C13orf42: variants seen among roughly 807,000 people sequenced by gnomAD.
C13orf42 encodes chromosome 13 open reading frame 42.
upstream of C13orf42, among the ~76,000 whole-genome samples, chr13:51,113,781 T>A (rs9568519): frequency 1.3e-5 from 2 of 152,132 alleles, no homozygotes; most frequent in African/African-American, 4.8e-5. Context: ...CCCAAATCAG[T>A]CCCCCCAGGC....
chr13:51,163,180 C>T (rs996202823), intron 1 of C13orf42, among the ~76,000 whole-genome samples: 1 of 152,200 alleles, frequency 6.6e-6, no homozygotes, highest in Non-Finnish European at 1.5e-5. Context: ...AGGTAAGCAG[C>T]ATGCAGAACC....
chr13:51,123,171 G>C (rs1049918728), intron 1 of C13orf42, among the ~76,000 whole-genome samples: 4 of 152,182 alleles, frequency 2.6e-5, no homozygotes, highest in African/African-American at 9.6e-5. Context: ...ACTGCTCATG[G>C]TTCTCACTCT....
chr13:51,106,345 T>TCCCGCCTCCCTAATGACG (rs1953355944), intron 1 of C13orf42, among the ~76,000 whole-genome samples: 1 of 151,888 alleles, frequency 6.6e-6, no homozygotes, highest in Non-Finnish European at 1.5e-5. Context: ...CCCTAATGAC[T>TCCCGCCTCCCTAATGACG]CTCCCTGGCC....
Position 51,082,208 on chromosome 13 carries a change from A to T in C13orf42, c.*1943T>A, listed in dbSNP as rs933820898. 6.6e-6 allele frequency: 1 copy of T among 152,262 alleles called. No individual in the cohort carries two copies. The highest frequency in any genetic ancestry group is 2.4e-5 in the African/African-American group (1 of 41,470). The allele number at this position is 152,262 out of a possible 1,614,324, so 9.4% of individuals were successfully genotyped here. A position where few individuals can be genotyped will look rare whatever the true frequency, so the allele number is the denominator to read the frequency against. The stretch of plus-strand genomic sequence containing the variant: ...TCTCAAGATTCCCCAGGCAGAGCAC[A>T]GATCCTTGGGTTTATCACCAACTTC... On this transcript the variant is annotated 3_prime_UTR_variant, in exon 4 of 4. Transcript: ENST00000563710.
intron 1 of C13orf42, among the ~76,000 whole-genome samples, chr13:51,128,279 T>A (rs1037453893): frequency 5.9e-5 from 9 of 152,258 alleles, no homozygotes; most frequent in African/African-American, 1.9e-4. Flanking sequence ...ACTCTATGAC[T>A]TGCCCTGAAT....
chr13:51,096,847 C>T (rs1953239460), intron 1 of C13orf42, among the ~76,000 whole-genome samples: 1 of 152,190 alleles, frequency 6.6e-6, no homozygotes. Flanking sequence ...AAATAATATG[C>T]ATGGCTCCAA....
At chr13:51,124,175 TAA>T (rs946206719) in intron 1 of C13orf42, among the ~76,000 whole-genome samples, 1 of 152,160 alleles carries the variant, frequency 6.6e-6, no homozygotes, top group African/African-American at 2.4e-5. Flanking sequence ...TGACTCAGTA[TAA>T]GAGAACAGCT....
intron 1 of C13orf42, among the ~76,000 whole-genome samples, chr13:51,134,133 T>G (rs996215104): frequency 6.6e-6 from 1 of 152,202 alleles, no homozygotes. Flanking sequence ...TCCATTTACC[T>G]GCCTTCTCAG....
intron 1 of C13orf42, among the ~76,000 whole-genome samples, chr13:51,118,105 C>G (rs760743837): frequency 6.6e-6 from 1 of 152,154 alleles, no homozygotes; most frequent in Non-Finnish European, 1.5e-5. Context: ...ATCTTGTGTC[C>G]AGTTCCAACT....
At chr13:51,105,794 T>C (rs1010156843) in intron 1 of C13orf42, among the ~76,000 whole-genome samples, 2 of 152,318 alleles carry the variant, frequency 1.3e-5, no homozygotes, top group Non-Finnish European at 2.9e-5. Context: ...GAATCTTGTA[T>C]GTTATACAAG....
intron 1 of C13orf42, among the ~76,000 whole-genome samples, chr13:51,107,560 C>T (rs538600389): frequency 9.2e-5 from 14 of 152,136 alleles, no homozygotes; most frequent in African/African-American, 1.2e-4. Context: ...GGCTTGCATC[C>T]GGATGGAGGG....
intron 1 of C13orf42, among the ~76,000 whole-genome samples, chr13:51,096,687 A>G (rs908194541): frequency 3.9e-5 from 6 of 152,206 alleles, no homozygotes; most frequent in African/African-American, 1.4e-4. Context: ...GACTGTATAA[A>G]CCAAAATTCT....
chr13:51,105,004 G>A (rs1057362011), intron 1 of C13orf42, among the ~76,000 whole-genome samples: 1 of 152,218 alleles, frequency 6.6e-6, no homozygotes, highest in Admixed American at 6.5e-5. Flanking sequence ...AACATGCTAG[G>A]ATGCAGGGTG....
At chr13:51,137,550 G>A (rs542885465) in intron 1 of C13orf42, among the ~76,000 whole-genome samples, 42 of 152,232 alleles carry the variant, frequency 2.8e-4, no homozygotes, top group Non-Finnish European at 5.3e-4. Context: ...CTGCCTCTCC[G>A]TCCTTTTGTC....
At chr13:51,138,558 A>G (rs1953674162) in intron 1 of C13orf42, among the ~76,000 whole-genome samples, 1 of 152,166 alleles carries the variant, frequency 6.6e-6, no homozygotes, top group Non-Finnish European at 1.5e-5. Context: ...TCAAAAAAAA[A>G]GAAAAAAAGA....
chr13:51,129,519 T>C (rs569636957), intron 1 of C13orf42, among the ~76,000 whole-genome samples: 4 of 152,188 alleles, frequency 2.6e-5, no homozygotes, highest in Admixed American at 1.3e-4. Context: ...ACCTGAAATT[T>C]TGATTCAGTG....
Position 51,169,816 on chromosome 13 carries a change from A to G in C13orf42, n.136+2437T>C, listed in dbSNP as rs1246566891. On this transcript the variant is annotated intron_variant and non_coding_transcript_variant, in intron 1 of 4. Transcript: ENST00000433280. ...GAAGCCTCTGCCTAGATTTCAGAGG[A>G]TGTGTGGAAATCCTTGAATGTCCAG... is the stretch of plus-strand genomic sequence containing the variant. Among the ~76,000 whole-genome samples the G allele has an allele frequency of 2.6e-5, 4 of 152,218 alleles. No homozygotes were observed. The East Asian group carries it at 7.7e-4, about 29-fold the overall frequency.
chr13:51,126,621 G>A (rs989263139), intron 1 of C13orf42, among the ~76,000 whole-genome samples: 17 of 152,304 alleles, frequency 1.1e-4, no homozygotes, highest in Middle Eastern at 6.8e-3. Context: ...AGGCAAAAAG[G>A]AAGCCCCTCA....
At chr13:51,086,027 C>T (rs1339128360) in intron 2 of C13orf42, among the ~76,000 whole-genome samples, 1 of 151,300 alleles carries the variant, frequency 6.6e-6, no homozygotes. Flanking sequence ...AAAAAAAAGG[C>T]CAGGCGTGGT....
Sources: gnomAD v4.1 joint callset for allele counts (sites outside exome capture counted in the v4.1 genomes callset) on GRCh38, gnomAD v4.1.1 for gene constraint, MANE v1.5 for transcripts, NCBI Gene and HGNC (gene_info 2026-07-23, HGNC 2026-07-21) for gene names.